Variants in CDC42BPG observed in about 807,000 individuals in gnomAD.
The protein encoded by CDC42BPG is CDC42 binding protein kinase gamma, also known as serine/threonine-protein kinase MRCK gamma.
CDC42BPG carries 157 observed loss-of-function variants against 192.2 expected under a neutral mutation model. The ratio of observed to expected loss-of-function variants is 0.82; its 90% confidence interval spans 0.72 to 0.93. The LOEUF (loss-of-function observed/expected upper bound fraction) is 0.93. Among genes scored for constraint, CDC42BPG ranks in the 40% least tolerant of loss-of-function variants. The pLI, the probability that CDC42BPG is intolerant of heterozygous loss-of-function variation, is 0.00. For synonymous variants in CDC42BPG, 981 were observed against 918.5 expected (o/e 1.07, Z -1.23); for missense variants, 1,992 against 2,122.1 (o/e 0.94, Z 1.20).
rs1429198748 is a variant in CDC42BPG at position 64,838,634 on chromosome 11, C to T, written c.1125+20G>A. The T allele has an allele frequency of 4.3e-6, 7 of 1,610,080 alleles. No individual in the cohort carries two copies. Among genetic ancestry groups the T allele is most frequent in the Non-Finnish European group, 5.1e-6 (6 of 1,177,472 alleles). On this transcript the variant is annotated intron_variant, in intron 8 of 36. Coordinates refer to ENST00000342711, the MANE Select transcript of CDC42BPG (RefSeq NM_017525.3). ...AGGGGGTAGGGCAGCTCCCCTCCTG[C>T]AGTGGCCTTTGCCACTCACTGGATG...
At position 64,835,071 on chromosome 11, in the gene CDC42BPG, G is replaced by GCC; in HGVS notation, c.2034_2035dup (p.Ala679GlyfsTer11). 1 of 1,602,982 alleles carries GCC rather than the reference G, an allele frequency of 6.2e-7. No homozygotes were observed. Among genetic ancestry groups the GCC allele is most frequent in the Non-Finnish European group, 8.5e-7 (1 of 1,179,770 alleles). ...CCAGCTGAGGATGTCGGCGAGCTGG[G>GCC]CCTCCCAGTTGCTCTCCGTCTCCCG... On this transcript the variant is annotated frameshift_variant, in exon 17 of 37. Coordinates refer to ENST00000342711, the MANE Select transcript of CDC42BPG (RefSeq NM_017525.3). LOFTEE classifies it high-confidence loss of function.
chr11:64,828,937 C>T (rs554499077), intron 30 of CDC42BPG, among the ~76,000 whole-genome samples: 1 of 152,226 alleles, frequency 6.6e-6, no homozygotes, highest in South Asian at 2.1e-4. Context: ...GTAGTCCCAG[C>T]TACTAGGGAG....
intron 17 of CDC42BPG, 21 bp downstream of exon 17, chr11:64,835,026 C>T (rs368132596): frequency 7.5e-5 from 117 of 1,568,396 alleles, no homozygotes; most frequent in Non-Finnish European, 9.6e-5. Context: ...TTCCCCACCC[C>T]GACCCACCCC....
chr11:64,835,739 G>A, intron 14 of CDC42BPG, 23 bp downstream of exon 14: 1 of 1,612,852 alleles, frequency 6.2e-7, no homozygotes, highest in Non-Finnish European at 8.5e-7. Flanking sequence ...AGCACCTCTT[G>A]CCAAGGGGGA....
At chr11:64,838,238 A>C in intron 8 of CDC42BPG, 76 bp from the exon 9 acceptor site, 5 of 1,108,328 alleles carry the variant, frequency 4.5e-6, no homozygotes, top group Non-Finnish European at 6.5e-6. Context: ...GCCCCCTGGG[A>C]CCAGGTGCGA....
In CDC42BPG at chr11:64,833,783, T is replaced by C. The variant is rs532149448; in HGVS notation, c.2520A>G (p.Gly840=). 25 of 1,614,216 alleles carry C rather than the reference T, an allele frequency of 1.5e-5. No homozygotes were observed. The highest frequency in any genetic ancestry group is 1.8e-5 in the Non-Finnish European group (21 of 1,180,036). ...GISGEATRHG[G]EPDLRPEGRR... ...GGCCCTCCGGCCTCAGATCTGGCTC[T>C]CCTCCATGCCTTGTGGCCTCTCCTG... Residue 840 remains glycine, a synonymous_variant, in exon 22 of 37, where the codon GGA becomes GGG. Coordinates refer to ENST00000342711, the MANE Select transcript of CDC42BPG (RefSeq NM_017525.3).
In CDC42BPG at chr11:64,836,724, G is replaced by GGGGGGGGGGGA; in HGVS notation, c.1384+14_1384+15insTCCCCCCCCCC. 1.0e-6 allele frequency: 1 copy of GGGGGGGGGGGA among 957,106 alleles called. No individual in the cohort carries two copies. The highest frequency in any genetic ancestry group is 1.7e-5 in the South Asian group (1 of 60,454). 59.3% of individuals were successfully genotyped at this position (957,106 alleles called of 1,614,324 possible). On this transcript the variant is annotated intron_variant, in intron 11 of 36. Transcript: ENST00000342711. ...TCAGCCCTGGGGGGGGGGGGGGGGT[G>GGGGGGGGGGGA]GGCGGAAGGGATACCTGGCAGCCTG...
At position 64,830,086 on chromosome 11, in the gene CDC42BPG, G is replaced by C; in HGVS notation, c.3368-16C>G. 6.2e-7 allele frequency: 1 copy of C among 1,612,564 alleles called. No homozygotes were observed. Among genetic ancestry groups the C allele is most frequent in the Non-Finnish European group, 8.5e-7 (1 of 1,179,486 alleles). ...TGGAAGATGTCTGCAGGGTTGGCGA[G>C]GGGAGAGTGTCACTGGCAGGTGGTT... is the stretch of plus-strand genomic sequence containing the variant. On this transcript the variant is annotated splice_polypyrimidine_tract_variant and intron_variant, in intron 29 of 36. Transcript: ENST00000342711.
chr11:64,834,183 G>T, intron 20 of CDC42BPG, 83 bp downstream of exon 20: 1 of 1,444,052 alleles, frequency 6.9e-7, no homozygotes, highest in Non-Finnish European at 9.4e-7. Context: ...CCACCACCCT[G>T]CCAGGCCATC....
rs1195691014 is a variant in CDC42BPG at position 64,833,907 on chromosome 11, C to T, written c.2466+18G>A. The T allele has an allele frequency of 1.2e-6, 2 of 1,614,242 alleles. No individual in the cohort carries two copies. The highest frequency in any genetic ancestry group is 1.7e-6 in the Non-Finnish European group (2 of 1,180,040). The stretch of plus-strand genomic sequence containing the variant: ...TCCCAGAACTTCTCCCCAACAAGCC[C>T]CTTGGCCTGGTCCTTACCTCTGAGC... On this transcript the variant is annotated intron_variant, in intron 21 of 36. Coordinates refer to ENST00000342711, the MANE Select transcript of CDC42BPG (RefSeq NM_017525.3).
At chr11:64,834,001 G>A (rs772002698) in intron 20 of CDC42BPG, 24 bp from the exon 21 acceptor site, 1 of 1,614,152 alleles carries the variant, frequency 6.2e-7, no homozygotes, top group Non-Finnish European at 8.5e-7. Flanking sequence ...GTGGGTCACT[G>A]GCCTGGGGTC....
At chr11:64,834,178 A>C (rs1592702765) in intron 20 of CDC42BPG, 88 bp downstream of exon 20, 2 of 1,433,248 alleles carry the variant, frequency 1.4e-6, no homozygotes, top group Non-Finnish European at 1.9e-6. Flanking sequence ...TGTCTCCACC[A>C]CCCTGCCAGG....
At position 64,841,858 on chromosome 11, in the gene CDC42BPG, A is replaced by T; in HGVS notation, c.207T>A (p.Asp69Glu). The part of the protein sequence containing the change: ...SKVKELRLQR[D>E]DFEILKVIGR... ...CGATCACCTTCAAGATCTCAAAGTC[A>T]TCTCTCTGCAGACGCAGTTCTTTCA... The change falls in exon 2 of 37, where the codon GAT becomes GAA. Residue 69 changes from aspartate (D) to glutamate (E), a missense_variant. Physicochemically the swap from Asp to Glu is conservative, Grantham distance 45. Around this residue, in one of 2 missense-constraint regions of CDC42BPG, gnomAD observed 1,656 missense variants for 1,844.3 expected, o/e 0.90. Coordinates refer to ENST00000342711, the MANE Select transcript of CDC42BPG (RefSeq NM_017525.3). The T allele has an allele frequency of 6.2e-7, 1 of 1,613,944 alleles. No homozygotes were observed. The highest frequency in any genetic ancestry group is 8.5e-7 in the Non-Finnish European group (1 of 1,179,970).
chr11:64,842,169 C>T (rs1372733626), intron 1 of CDC42BPG, among the ~76,000 whole-genome samples: 1 of 152,192 alleles, frequency 6.6e-6, no homozygotes, highest in Non-Finnish European at 1.5e-5. Flanking sequence ...AGGCAGCCTC[C>T]ATCCCAGGGG....
intron 9 of CDC42BPG, among the ~76,000 whole-genome samples, 153 bp from the exon 10 acceptor site, chr11:64,837,172 G>A (rs542931058): frequency 2.0e-5 from 3 of 152,354 alleles, no homozygotes; most frequent in South Asian, 2.1e-4. Flanking sequence ...GTGGCAGCCC[G>A]GGGTAGCAGC....
rs188293779 is a variant in CDC42BPG, at chr11:64,836,347, C to T, written c.1489-51G>A. 155 of 1,606,652 alleles carry T rather than the reference C, an allele frequency of 9.6e-5. No individual in the cohort carries two copies. In the East Asian group the frequency reaches 2.8e-3, roughly 29 times the overall value. ...GAAGGACAAGGCCCAGAGTCAGGCACGAACCGTCCATGGAGCCCAGGGCCA... is the reference window on the plus strand; with the variant it reads ...GAAGGACAAGGCCCAGAGTCAGGCATGAACCGTCCATGGAGCCCAGGGCCA... On this transcript the variant is annotated intron_variant, in intron 12 of 36. Transcript: ENST00000342711.
At chr11:64,838,048 G>A (rs1037076181) in intron 9 of CDC42BPG, 35 bp downstream of exon 9, 16 of 1,535,352 alleles carry the variant, frequency 1.0e-5, no homozygotes, top group Admixed American at 3.9e-5. Context: ...AGGCAACCCC[G>A]AGCCTCCCAC....
intron 11 of CDC42BPG, 88 bp from the exon 12 acceptor site, chr11:64,836,618 G>T (rs557369030): frequency 5.2e-6 from 7 of 1,346,124 alleles, no homozygotes; most frequent in East Asian, 2.3e-5. Context: ...TTTCCCACAC[G>T]CGGGCTCAGA....
At chr11:64,836,703 C>CG in intron 11 of CDC42BPG, 36 bp downstream of exon 11, 1 of 600,350 alleles carries the variant, frequency 1.7e-6, no homozygotes, top group Non-Finnish European at 2.2e-6. Flanking sequence ...TGGGACTCAG[C>CG]CCTGGGGGGG....
Sources: allele counts gnomAD v4.1 joint callset (sites outside exome capture counted in the v4.1 genomes callset), GRCh38; gene constraint gnomAD v4.1.1; regional missense constraint gnomAD v4.1.1; transcripts MANE v1.5; gene names NCBI Gene and HGNC (gene_info 2026-07-23, HGNC 2026-07-21).